WDR49: variants seen among roughly 807,000 people sequenced by gnomAD.
The protein encoded by WDR49 is WD repeat domain 49.
Under a neutral mutation model 119.5 loss-of-function variants are expected in WDR49, and 107 were observed. That is an observed-to-expected ratio of 0.90 (90% CI 0.77 to 1.05). The LOEUF is 1.05. Among genes scored for constraint, WDR49 ranks in the 50% least tolerant of loss-of-function variants. The pLI, the probability that WDR49 is intolerant of heterozygous loss-of-function variation, is 0.00. For synonymous variants in WDR49, 425 were observed against 418.8 expected (o/e 1.01, Z -0.18); for missense variants, 1,240 against 1,220.5 (o/e 1.02, Z -0.24).
Position 167,560,125 on chromosome 3 carries a change from G to C in WDR49, c.1613C>G (p.Thr538Ser). 6.2e-7 allele frequency: 1 copy of C among 1,614,200 alleles called. No homozygotes were observed. Among genetic ancestry groups the C allele is most frequent in the Non-Finnish European group, 8.5e-7 (1 of 1,180,040 alleles). ...TGCHGNAEIS[T>S]MALDANETRL... ...AGTCTCATTTGCATCAAGGGCCATAGTGCTGATTTCTGCGTTGCCGTGGCA... is the reference window on the plus strand; with the variant it reads ...AGTCTCATTTGCATCAAGGGCCATACTGCTGATTTCTGCGTTGCCGTGGCA... Residue 538 changes from threonine to serine, a missense_variant, in exon 9 of 19, where the codon ACT (threonine) becomes AGT (serine). By Grantham distance (58) the Thr-to-Ser change is moderately conservative (BLOSUM62 1). Transcript: ENST00000682715.
chr3:167,604,298 T>C lies in WDR49; in HGVS notation c.1126+3A>G, dbSNP rs761746932. ...CATAGTTATCATGATTTATTTTACC[T>C]ACCAATTAAATTGAGCCGAGAGTGA... is the stretch of plus-strand genomic sequence containing the variant. On this transcript the variant is annotated splice_donor_region_variant and intron_variant, in intron 6 of 18. Coordinates refer to ENST00000682715, the MANE Select transcript of WDR49 (RefSeq NM_001366157.1). 1.2e-6 allele frequency: 2 copies of C among 1,613,244 alleles called. No homozygotes were observed. The highest frequency in any genetic ancestry group is 2.2e-5 in the South Asian group (2 of 91,006).
intron 2 of WDR49, among the ~76,000 whole-genome samples, chr3:167,629,204 A>T (rs1468674905): frequency 6.6e-6 from 1 of 152,076 alleles, no homozygotes; most frequent in Non-Finnish European, 1.5e-5. Context: ...GTGAGCTATG[A>T]TTGTGCCACT....
At chr3:167,627,375 G>A (rs1487288665) in intron 2 of WDR49, 83 bp from the exon 3 acceptor site, 2 of 1,164,368 alleles carry the variant, frequency 1.7e-6, no homozygotes, top group African/African-American at 1.6e-5. Context: ...CCACAAAGGT[G>A]AATTTAATCA....
chr3:167,574,991 C>T (rs75728687), intron 8 of WDR49: 134,903 of 856,062 alleles, frequency 0.16, 11,426 homozygotes, highest in African/African-American at 0.28. Flanking sequence ...GACACACTAC[C>T]CATTACTAAC....
chr3:167,577,768 GAT>G (rs1714323060), intron 7 of WDR49, among the ~76,000 whole-genome samples: 1 of 151,940 alleles, frequency 6.6e-6, no homozygotes, highest in Admixed American at 6.6e-5. Context: ...ATCTATAAAA[GAT>G]AGTTTCTGTT....
At chr3:167,590,495 T>G (rs1298686937) in intron 7 of WDR49, among the ~76,000 whole-genome samples, 3 of 152,068 alleles carry the variant, frequency 2.0e-5, no homozygotes, top group Non-Finnish European at 4.4e-5. Flanking sequence ...CTTCTTTTAA[T>G]GTTTGGTAAA....
upstream of WDR49, among the ~76,000 whole-genome samples, chr3:167,654,609 C>G (rs1718533542): frequency 6.6e-6 from 1 of 152,064 alleles, no homozygotes; most frequent in Non-Finnish European, 1.5e-5. Flanking sequence ...GATAAAGAAG[C>G]AAAAAGCCGG....
At chr3:167,483,798 C>T (rs1484810595) in intron 18 of WDR49, among the ~76,000 whole-genome samples, 1 of 152,126 alleles carries the variant, frequency 6.6e-6, no homozygotes, top group African/African-American at 2.4e-5. Context: ...CTCTCAAACT[C>T]CTAGCAATTT....
chr3:167,544,248 A>C (rs2108256127), intron 10 of WDR49, among the ~76,000 whole-genome samples: 1 of 152,100 alleles, frequency 6.6e-6, no homozygotes, highest in Middle Eastern at 3.4e-3. Flanking sequence ...TTTCAAAAGC[A>C]ACCACAAATT....
chr3:167,612,730 C>T (rs1045387837), intron 5 of WDR49, among the ~76,000 whole-genome samples: 4 of 151,820 alleles, frequency 2.6e-5, no homozygotes, highest in South Asian at 2.1e-4. Context: ...TGAAAAAATT[C>T]CTAGATGCAT....
chr3:167,597,850 T>A (rs151178406), intron 7 of WDR49, among the ~76,000 whole-genome samples: 329 of 152,334 alleles, frequency 2.2e-3, no homozygotes, highest in African/African-American at 7.4e-3. Context: ...GTATCCCCAC[T>A]GTATCTTGGA....
chr3:167,602,417 T>C (rs1715820633), intron 6 of WDR49, 142 bp from the exon 7 acceptor site: 4 of 682,540 alleles, frequency 5.9e-6, no homozygotes, highest in South Asian at 6.8e-5. Context: ...TTTGCCATTG[T>C]CTAACTAGAC....
intron 11 of WDR49, among the ~76,000 whole-genome samples, 186 bp from the exon 12 acceptor site, chr3:167,533,163 C>A (rs1178972745): frequency 6.6e-6 from 1 of 152,070 alleles, no homozygotes; most frequent in Non-Finnish European, 1.5e-5. Context: ...AGCTTACAAT[C>A]CCCACAGTAT....
At chr3:167,616,768 C>G (rs1716615352) in intron 5 of WDR49, among the ~76,000 whole-genome samples, 1 of 152,104 alleles carries the variant, frequency 6.6e-6, no homozygotes, top group African/African-American at 2.4e-5. Context: ...CACACATATA[C>G]ACACACCCCA....
intron 17 of WDR49, among the ~76,000 whole-genome samples, chr3:167,501,113 A>G (rs1199383799): frequency 6.6e-6 from 1 of 152,222 alleles, no homozygotes; most frequent in African/African-American, 2.4e-5. Context: ...CTAATGGAGG[A>G]AAGCAGGGAT....
intron 3 of WDR49, among the ~76,000 whole-genome samples, chr3:167,623,043 C>A (rs886584766): frequency 2.6e-5 from 4 of 151,698 alleles, no homozygotes; most frequent in Admixed American, 1.3e-4. Flanking sequence ...AATTAATAGT[C>A]AAAAAAAGTG....
chr3:167,612,408 G>T (rs961426324), intron 5 of WDR49, among the ~76,000 whole-genome samples: 3 of 151,078 alleles, frequency 2.0e-5, no homozygotes, highest in African/African-American at 7.3e-5. Context: ...ATCCAATGGT[G>T]CATCTTAAAG....
intron 2 of WDR49, among the ~76,000 whole-genome samples, chr3:167,636,773 T>C (rs192038755): frequency 6.6e-6 from 1 of 152,102 alleles, no homozygotes; most frequent in Admixed American, 6.6e-5. Context: ...ATATGATTGT[T>C]AGCCATTTGT....
rs1714229283 is a variant in WDR49 at position 167,575,973 on chromosome 3, A to C, written c.1454T>G (p.Val485Gly). 1 of 1,614,042 alleles carries C rather than the reference A, an allele frequency of 6.2e-7. No individual in the cohort carries two copies. The highest frequency in any genetic ancestry group is 1.1e-5 in the South Asian group (1 of 91,082). Residue 485 changes from valine (V) to glycine (G), a missense_variant, in exon 8 of 19, where the codon GTG becomes GGG. Coordinates refer to ENST00000682715, the MANE Select transcript of WDR49 (RefSeq NM_001366157.1). ...LAMKSEASKR[V>G]KSHEKAVTCV... ...AGTGACTGCTTTCTCATGGCTTTTCACCCTCTTGCTGGCTTCACTTTTCAT... is the reference window on the plus strand; with the variant it reads ...AGTGACTGCTTTCTCATGGCTTTTCCCCCTCTTGCTGGCTTCACTTTTCAT...
Sources: gnomAD v4.1 joint callset for allele counts (sites outside exome capture counted in the v4.1 genomes callset) on GRCh38, gnomAD v4.1.1 for gene constraint, MANE v1.5 for transcripts, NCBI Gene and HGNC (gene_info 2026-07-23, HGNC 2026-07-21) for gene names.